ECM2: variants seen among roughly 807,000 people sequenced by gnomAD.
ECM2 encodes extracellular matrix protein 2.
A neutral mutation model predicts 67.5 loss-of-function variants in ECM2; 57 were observed. The ratio of observed to expected loss-of-function variants is 0.84; its 90% CI spans 0.68 to 1.05. ECM2 has a LOEUF of 1.05. ECM2 is among the 50% of genes least tolerant of loss of function. The probability of loss-of-function intolerance (pLI) is 0.00; values close to 1 mark genes in which losing one functional copy is unlikely to be tolerated. For synonymous variants in ECM2, 258 were observed against 294.5 expected, an observed-to-expected ratio of 0.88 and a Z score of 1.27; for missense variants, 741 against 822.8, an observed-to-expected ratio of 0.90 and a Z score of 1.22.
At chr9:92,534,538 T>C (rs919848321) in intron 1 of ECM2, among the ~76,000 whole-genome samples, 4 of 152,254 alleles carry the variant, frequency 2.6e-5, no homozygotes, top group African/African-American at 9.6e-5. Flanking sequence ...AAATGACCTA[T>C]ATTTCATAGG....
At chr9:92,526,837 G>C (rs1848445097) in intron 1 of ECM2, among the ~76,000 whole-genome samples, 1 of 152,054 alleles carries the variant, frequency 6.6e-6, no homozygotes, top group African/African-American at 2.4e-5. Flanking sequence ...AAAATTTACA[G>C]TAGTGTATAG....
At position 92,515,000 on chromosome 9, in the gene ECM2, C is replaced by G. The variant is rs755933620; in HGVS notation, c.685G>C (p.Glu229Gln). ...CCCTGATTTCTAGATTCAGGGGTCT[C>G]TCTCTTTTGCTCTGTATCTTCTTCT... Reference protein sequence around the residue: ...VKEEDTEQKRETPESRNQGQL... With the variant: ...VKEEDTEQKRQTPESRNQGQL... Residue 229 changes from glutamate (E) to glutamine (Q), a missense_variant, in exon 4 of 10, where the codon GAG (glutamate) becomes CAG (glutamine). Transcript: ENST00000344604. The G allele has an allele frequency of 6.2e-7, 1 of 1,614,138 alleles. No individual in the cohort carries two copies. The highest frequency in any genetic ancestry group is 1.7e-5 in the Admixed American group (1 of 60,016).
rs1362688993 is a variant in ECM2, at chr9:92,522,905, C to T, written c.-27-12G>A. The T allele has an allele frequency of 3.9e-6, 6 of 1,554,666 alleles. No individual in the cohort carries two copies. The East Asian group carries it at 1.3e-4, about 35-fold the overall frequency. On this transcript the variant is annotated splice_polypyrimidine_tract_variant and intron_variant, in intron 1 of 9. Transcript: ENST00000344604. ...CCACCAGCCAATTTCTAGAATGAAA[C>T]AATATTTCAAAGTTAGTGGTGACTA... is the stretch of plus-strand genomic sequence containing the variant.
rs752498840 is a variant in ECM2 at position 92,502,701 on chromosome 9, C to A, written c.1465-49G>T. The stretch of plus-strand genomic sequence containing the variant: ...TATTTTTCTTTTGTGTTAGTTGATA[C>A]GTTCAATTTCATGGAGACTAAAATA... On this transcript the variant is annotated intron_variant, in intron 7 of 9. Coordinates refer to ENST00000344604, the MANE Select transcript of ECM2 (RefSeq NM_001393.4). 18 of 1,410,422 alleles carry A rather than the reference C, an allele frequency of 1.3e-5. No homozygotes were observed. In the South Asian group the frequency reaches 2.1e-4, roughly 17 times the overall value. 87.4% of individuals were successfully genotyped at this position (1,410,422 alleles called of 1,614,324 possible). A position where few individuals can be genotyped will look rare whatever the true frequency, so the allele number is the denominator to read the frequency against.
downstream of ECM2, chr9:92,494,003 C>T (rs1846243212): frequency 6.9e-7 from 1 of 1,441,328 alleles, no homozygotes; most frequent in Non-Finnish European, 9.5e-7. Flanking sequence ...CCCCAGTGTG[C>T]TCGTCGCATT....
At chr9:92,546,105 A>G in the ECM2 span, among the ~76,000 whole-genome samples, 5 of 152,116 alleles carry the variant, frequency 3.3e-5, no homozygotes, top group Admixed American at 6.6e-5. Context: ...GAATGCACCA[A>G]TCAGTGCTCT....
chr9:92,552,190 T>TACACACACACAC, the ECM2 span, among the ~76,000 whole-genome samples: 40 of 106,430 alleles, frequency 3.8e-4, 2 homozygotes, highest in African/African-American at 1.5e-3. Context: ...ATCTATCATA[T>TACACACACACAC]ACACACACAC....
chr9:92,495,857 A>G lies in ECM2; in HGVS notation c.*458T>C. ...ACAGGACCTTATAAGAAATTAACAA[A>G]TTATTGTTTTAATAATAAACAACAC... On this transcript the variant is annotated 3_prime_UTR_variant, in exon 10 of 10. Coordinates refer to ENST00000344604, the MANE Select transcript of ECM2 (RefSeq NM_001393.4). 1.0e-6 allele frequency: 1 copy of G among 976,238 alleles called. No homozygotes were observed. Among genetic ancestry groups the G allele is most frequent in the South Asian group, 4.7e-5 (1 of 21,098 alleles). The allele number at this position is 976,238 out of a possible 1,614,324, so 60.5% of individuals were successfully genotyped here. A position where few individuals can be genotyped will look rare whatever the true frequency, so the allele number is the denominator to read the frequency against.
Position 92,514,923 on chromosome 9 carries a change from A to G in ECM2, c.762T>C (p.Pro254=). 6 of 1,613,276 alleles carry G rather than the reference A, an allele frequency of 3.7e-6. No homozygotes were observed. The highest frequency in any genetic ancestry group is 5.1e-6 in the Non-Finnish European group (6 of 1,179,708). The change falls in exon 4 of 10, where the codon CCT becomes CCC. Residue 254 remains proline (P), a synonymous_variant. Coordinates refer to ENST00000344604, the MANE Select transcript of ECM2 (RefSeq NM_001393.4). ...DSRGGDRKQR[P]GEERRLAHQQ... ...GGTGTGCCAGCCTCCTCTCCTCTCC[A>G]GGCCTCTGCTTTCTGTCTCCTCCTC...
At chr9:92,542,565 A>G in the ECM2 span, among the ~76,000 whole-genome samples, 1 of 150,900 alleles carries the variant, frequency 6.6e-6, no homozygotes, top group Non-Finnish European at 1.5e-5. Flanking sequence ...GCTCCAGGCT[A>G]TAGTGCAGTG....
intron 7 of ECM2, among the ~76,000 whole-genome samples, chr9:92,504,829 G>A (rs1447611378): frequency 3.3e-5 from 5 of 152,202 alleles, no homozygotes; most frequent in Non-Finnish European, 7.3e-5. Context: ...GTGAGCCACT[G>A]CACGGTCCAC....
intron 1 of ECM2, among the ~76,000 whole-genome samples, chr9:92,532,628 A>G (rs962318106): frequency 2.6e-5 from 4 of 152,154 alleles, no homozygotes; most frequent in African/African-American, 7.2e-5. Context: ...TATTAAATCT[A>G]TCCATTGACT....
chr9:92,544,285 G>C, the ECM2 span, among the ~76,000 whole-genome samples: 1 of 152,222 alleles, frequency 6.6e-6, no homozygotes. Flanking sequence ...AGGCCAGCCT[G>C]GCTAACTTGA....
At chr9:92,552,009 TATATG>T in the ECM2 span, among the ~76,000 whole-genome samples, 2 of 146,236 alleles carry the variant, frequency 1.4e-5, no homozygotes, top group Non-Finnish European at 3.0e-5. Context: ...TATGTGTATA[TATATG>T]ATATGATAGA....
At chr9:92,541,934 C>T in the ECM2 span, among the ~76,000 whole-genome samples, 1 of 152,122 alleles carries the variant, frequency 6.6e-6, no homozygotes, top group African/African-American at 2.4e-5. Flanking sequence ...GCTGGGATTA[C>T]AAGCATCCGC....
At chr9:92,513,010 G>C (rs1847449795) in intron 4 of ECM2, among the ~76,000 whole-genome samples, 1 of 152,166 alleles carries the variant, frequency 6.6e-6, no homozygotes, top group Admixed American at 6.5e-5. Flanking sequence ...TATTATGTTT[G>C]ACACTGGCAG....
rs763693210 is a variant in ECM2 at position 92,514,694 on chromosome 9, T to A, written c.991A>T (p.Asn331Tyr). Residue 331 changes from asparagine (N) to tyrosine (Y), a missense_variant, in exon 4 of 10, where the codon AAC (asparagine) becomes TAC (tyrosine). Asn to Tyr is a moderately radical substitution (Grantham distance 143, BLOSUM62 -2). Coordinates refer to ENST00000344604, the MANE Select transcript of ECM2 (RefSeq NM_001393.4). ...SLSYRTISCINAMLTQIPPLT... is the reference protein window; with the variant it reads ...SLSYRTISCIYAMLTQIPPLT... ...GGTGGTATCTGGGTAAGCATGGCGT[T>A]GATGCAGCTGATGGTCCTGTAGGAC... 6.8e-6 allele frequency: 11 copies of A among 1,612,340 alleles called. No individual in the cohort carries two copies. In the Middle Eastern group the frequency reaches 4.9e-4, roughly 72 times the overall value.
At chr9:92,515,841 A>C (rs1174694756) in intron 3 of ECM2, among the ~76,000 whole-genome samples, 2 of 152,218 alleles carry the variant, frequency 1.3e-5, no homozygotes, top group Admixed American at 1.3e-4. Flanking sequence ...TACAAATGAC[A>C]TTCTGGACTT....
At chr9:92,539,998 C>G (rs1243981323), upstream of ECM2, among the ~76,000 whole-genome samples, 2 of 152,198 alleles carry the variant, frequency 1.3e-5, no homozygotes, top group Non-Finnish European at 2.9e-5. Flanking sequence ...GCCCATTTCC[C>G]TGCCACTTTA....
Sources: gnomAD v4.1 joint callset for allele counts (sites outside exome capture counted in the v4.1 genomes callset) on GRCh38, gnomAD v4.1.1 for gene constraint, MANE v1.5 for transcripts, NCBI Gene and HGNC (gene_info 2026-07-23, HGNC 2026-07-21) for gene names.